ANKRD18B: variants seen among roughly 807,000 people sequenced by gnomAD.
ANKRD18B encodes the protein ankyrin repeat domain 18B, also known as ankyrin repeat domain-containing protein 18B.
ANKRD18B carries 75 observed loss-of-function variants against 111.8 expected under a neutral mutation model. That is an observed-to-expected ratio of 0.67 (90% CI 0.56 to 0.81). ANKRD18B has a LOEUF of 0.81. ANKRD18B is among the 40% of genes least tolerant of loss of function. The probability of loss-of-function intolerance (pLI) is 0.00; values close to 1 mark genes in which losing one functional copy is unlikely to be tolerated. For synonymous variants in ANKRD18B, 356 were observed against 417.3 expected, an observed-to-expected ratio of 0.85 and a Z score of 1.79; for missense variants, 1,038 against 1,225.5, an observed-to-expected ratio of 0.85 and a Z score of 2.28.
In ANKRD18B at chr9:33,534,394, G is replaced by A; in HGVS notation, c.627G>A (p.Gln209=). 1 of 1,548,876 alleles carries A rather than the reference G, an allele frequency of 6.5e-7. No homozygotes were observed. Among genetic ancestry groups the A allele is most frequent in the Non-Finnish European group, 8.7e-7 (1 of 1,146,050 alleles). ...GAACAGCCCTCATACTTGCAGTACA[G>A]CATAACTTGTCAAGTATCGTCACCC... ...FKRTALILAV[Q]HNLSSIVTLL... is the part of the protein sequence containing the mutation. Residue 209 remains glutamine, a synonymous_variant, in exon 5 of 19, where the codon CAG becomes CAA. Transcript: ENST00000684830.
At chr9:33,570,456 GA>G (rs71506123) in intron 17 of ANKRD18B, among the ~76,000 whole-genome samples, 12 of 145,306 alleles carry the variant, frequency 8.3e-5, no homozygotes, top group Non-Finnish European at 1.4e-4. Flanking sequence ...ATACAAACTA[GA>G]AAAAAAAAAA....
rs1323762930 is a variant in ANKRD18B at position 33,524,607 on chromosome 9, A to C, written c.118A>C (p.Arg40=). The C allele has an allele frequency of 6.4e-7, 1 of 1,551,562 alleles. No individual in the cohort carries two copies. The highest frequency in any genetic ancestry group is 8.7e-7 in the Non-Finnish European group (1 of 1,146,872). ...IRDWELRKIH[R]AAIKGDAAEV... is the part of the protein sequence containing the mutation. Reference sequence around the variant, plus strand: ...GGACTGGGAACTGCGGAAGATCCACAGGGCGGCCATCAAGGGCGACGCCGC... The same window carrying C: ...GGACTGGGAACTGCGGAAGATCCACCGGGCGGCCATCAAGGGCGACGCCGC... Residue 40 remains arginine (R), a synonymous_variant, in exon 1 of 19, where the codon AGG becomes CGG. Coordinates refer to ENST00000684830, the MANE Select transcript of ANKRD18B (RefSeq NM_001393611.1).
chr9:33,550,731 T>G, intron 12 of ANKRD18B, among the ~76,000 whole-genome samples, 152 bp downstream of exon 12: 1 of 152,204 alleles, frequency 6.6e-6, no homozygotes, highest in East Asian at 1.9e-4. Context: ...TATAACGTAC[T>G]TCTTCAACTC....
At chr9:33,573,516 A>C (rs975815721), downstream of ANKRD18B, among the ~76,000 whole-genome samples, 4 of 144,942 alleles carry the variant, frequency 2.8e-5, 1 homozygote, top group Non-Finnish European at 6.2e-5. Flanking sequence ...GGAAGATGGC[A>C]TGTCCAGGCA....
rs1324779885 is a variant in ANKRD18B, at chr9:33,568,066, C to G, written c.2955-605C>G. 2.0e-5 allele frequency among the ~76,000 whole-genome samples: 3 copies of G among 152,316 alleles called. No homozygotes were observed. In the East Asian group the frequency reaches 5.8e-4, roughly 29 times the overall value. ...CCAACCAACCAGTCTAGTTCTCCCC[C>G]AGGAGTTGTTGCTCTGAGTTATTCC... On this transcript the variant is annotated intron_variant, in intron 16 of 18. Transcript: ENST00000684830.
intron 14 of ANKRD18B, among the ~76,000 whole-genome samples, chr9:33,562,669 T>C (rs1828623922): frequency 6.6e-6 from 1 of 152,160 alleles, no homozygotes; most frequent in African/African-American, 2.4e-5. Flanking sequence ...AATACAGAGA[T>C]GGGATGGTCT....
intron 5 of ANKRD18B, among the ~76,000 whole-genome samples, chr9:33,535,784 TTA>T (rs1171050903): frequency 9.8e-6 from 1 of 101,712 alleles, no homozygotes; most frequent in East Asian, 4.1e-4. Context: ...ATTATAAATA[TTA>T]TATATAATTA....
chr9:33,558,316 G>C (rs1256499673), intron 14 of ANKRD18B, 129 bp downstream of exon 14: 1 of 1,050,322 alleles, frequency 9.5e-7, no homozygotes, highest in Admixed American at 3.2e-5. Context: ...TAGGTATTAA[G>C]CCCCGTAGGC....
At position 33,555,796 on chromosome 9, in the gene ANKRD18B, G is replaced by A. The variant is rs573273630; in HGVS notation, c.2306G>A (p.Arg769His). ...GCGGATCAAATAAGAAAGAAAAATC[G>A]TGAATTAGAAGAAGAGGCAACTGGG... is the stretch of plus-strand genomic sequence containing the variant. ...YTADQIRKKN[R>H]ELEEEATGYK... is the part of the protein sequence containing the mutation. The change falls in exon 13 of 19, where the codon CGT (arginine) becomes CAT (histidine). Residue 769 changes from arginine to histidine, a missense_variant. This residue lies in a region of ANKRD18B where 524 missense variants were observed against 677.9 expected (regional missense o/e 0.77). Coordinates refer to ENST00000684830, the MANE Select transcript of ANKRD18B (RefSeq NM_001393611.1). 1.2e-4 allele frequency: 166 copies of A among 1,399,526 alleles called. No homozygotes were observed. In the African/African-American group the frequency reaches 1.2e-3, roughly 10 times the overall value. 86.7% of individuals were successfully genotyped at this position (1,399,526 alleles called of 1,614,324 possible).
chr9:33,533,358 A>G, intron 3 of ANKRD18B, 81 bp from the exon 4 acceptor site: 1 of 1,500,904 alleles, frequency 6.7e-7, no homozygotes, highest in Non-Finnish European at 8.9e-7. Context: ...GTTTAAGTTC[A>G]TAGCATCTTA....
chr9:33,548,661 C>G lies in ANKRD18B; in HGVS notation c.1873C>G (p.Leu625Val). 1 of 1,551,208 alleles carries G rather than the reference C, an allele frequency of 6.4e-7. No individual in the cohort carries two copies. Among genetic ancestry groups the G allele is most frequent in the Non-Finnish European group, 8.7e-7 (1 of 1,146,668 alleles). The change falls in exon 11 of 19, where the codon CTC (leucine) becomes GTC (valine). Residue 625 changes from leucine to valine, a missense_variant. Transcript: ENST00000684830. Reference sequence around the variant, plus strand: ...AATACGTCAACGAGAACTTGAAAATCTCTTGCTTGAACGACAACTAGAGGA... The same window carrying G: ...AATACGTCAACGAGAACTTGAAAATGTCTTGCTTGAACGACAACTAGAGGA... ...ERIRQRELEN[L>V]LLERQLEDAR...
At chr9:33,537,386 AT>A (rs1294195652) in intron 6 of ANKRD18B, among the ~76,000 whole-genome samples, 4 of 152,134 alleles carry the variant, frequency 2.6e-5, no homozygotes, top group African/African-American at 9.6e-5. Context: ...AATTTTTTAA[AT>A]TTAATTTCTT....
At chr9:33,566,094 A>C in intron 14 of ANKRD18B, 125 bp from the exon 15 acceptor site, 1 of 851,388 alleles carries the variant, frequency 1.2e-6, no homozygotes, top group Non-Finnish European at 1.8e-6. Flanking sequence ...TCACATTTGA[A>C]GAATCTACTA....
At chr9:33,560,737 G>A (rs1040384001) in intron 14 of ANKRD18B, among the ~76,000 whole-genome samples, 1 of 152,128 alleles carries the variant, frequency 6.6e-6, no homozygotes, top group Non-Finnish European at 1.5e-5. Flanking sequence ...GAGGCAGGTG[G>A]ATCACGAGGT....
chr9:33,560,047 G>A (rs902418255), intron 14 of ANKRD18B, among the ~76,000 whole-genome samples: 9 of 152,262 alleles, frequency 5.9e-5, no homozygotes, highest in South Asian at 4.2e-4. Context: ...GCAAGTGGTC[G>A]ACTGGGACTG....
Position 33,529,004 on chromosome 9 carries a change from T to G in ANKRD18B, c.326T>G (p.Val109Gly), listed in dbSNP as rs767174813. 2 of 1,612,752 alleles carry G rather than the reference T, an allele frequency of 1.2e-6. No individual in the cohort carries two copies. Among genetic ancestry groups the G allele is most frequent in the South Asian group, 2.2e-5 (2 of 91,000 alleles). Residue 109 changes from valine (V) to glycine (G), a missense_variant, in exon 3 of 19, where the codon GTA becomes GGA. Transcript: ENST00000684830. Reference sequence around the variant, plus strand: ...TTTTTTATCTAACACTAATAGGCTGTACACTGCCAGGAAGAGGCTTGTGCC... The same window carrying G: ...TTTTTTATCTAACACTAATAGGCTGGACACTGCCAGGAAGAGGCTTGTGCC... ...RLNRTPLMKA[V>G]HCQEEACAII...
chr9:33,524,644 A>G lies in ANKRD18B; in HGVS notation c.155A>G (p.His52Arg), dbSNP rs1292217719. The change falls in exon 1 of 19, where the codon CAC (histidine) becomes CGC (arginine). Residue 52 changes from histidine to arginine, a missense_variant. Physicochemically the swap from His to Arg is conservative, Grantham distance 29 (BLOSUM62 0). Transcript: ENST00000684830. ...AIKGDAAEVE[H>R]CLTRRFRDLD... ...AAGGGCGACGCCGCAGAGGTGGAGCACTGCCTGACGCGCAGGTTCCGGGAC... is the reference window on the plus strand; with the variant it reads ...AAGGGCGACGCCGCAGAGGTGGAGCGCTGCCTGACGCGCAGGTTCCGGGAC... The G allele has an allele frequency of 6.4e-7, 1 of 1,551,510 alleles. No individual in the cohort carries two copies. Among genetic ancestry groups the G allele is most frequent in the Non-Finnish European group, 8.7e-7 (1 of 1,146,932 alleles).
At chr9:33,570,797 C>T (rs528151666) in intron 17 of ANKRD18B, among the ~76,000 whole-genome samples, 1 of 151,894 alleles carries the variant, frequency 6.6e-6, no homozygotes, top group African/African-American at 2.4e-5. Flanking sequence ...ACCACCACAC[C>T]CAGCTAATTT....
At chr9:33,544,818 C>A (rs544359947) in intron 10 of ANKRD18B, among the ~76,000 whole-genome samples, 1 of 152,012 alleles carries the variant, frequency 6.6e-6, no homozygotes, top group South Asian at 2.1e-4. Context: ...GCCTGGGCAA[C>A]AAGAGTGAAA....
Sources: gnomAD v4.1 joint callset for allele counts (sites outside exome capture counted in the v4.1 genomes callset) on GRCh38, gnomAD v4.1.1 for gene constraint, gnomAD v4.1.1 regional missense constraint, MANE v1.5 for transcripts, NCBI Gene and HGNC (gene_info 2026-07-23, HGNC 2026-07-21) for gene names.